Variants in SSBP2 observed in about 807,000 individuals in gnomAD.
SSBP2 encodes the protein single stranded DNA binding protein 2, also known as single-stranded DNA-binding protein 2.
In SSBP2, 17 loss-of-function variants were observed where a neutral mutation model predicts 61.8. That is an observed-to-expected ratio of 0.28 (90% CI 0.19 to 0.41). The LOEUF (loss-of-function observed/expected upper bound fraction) is 0.41, where lower values mean the gene tolerates loss of function less well. Ranked by LOEUF, SSBP2 falls within the 10% of genes least tolerant of loss-of-function variation. SSBP2 has a pLI of 1.00. For synonymous variants in SSBP2, 139 were observed against 141.3 expected (o/e 0.98, Z 0.12); for missense variants, 310 against 458.7 (o/e 0.68, Z 2.96).
chr5:81,712,940 C>T (rs1664602987), intron 1 of SSBP2, among the ~76,000 whole-genome samples: 1 of 151,678 alleles, frequency 6.6e-6, no homozygotes, highest in Non-Finnish European at 1.5e-5. Flanking sequence ...CTTGTACAGG[C>T]TGATCCTGAA....
intron 2 of SSBP2, among the ~76,000 whole-genome samples, chr5:81,649,161 A>G (rs2153706694): frequency 6.6e-6 from 1 of 152,284 alleles, no homozygotes; most frequent in East Asian, 1.9e-4. Context: ...AGCCAGTTAT[A>G]TAAACACTCT....
In SSBP2 at chr5:81,428,615, TCCC is replaced by T. The variant is rs771356145; in HGVS notation, c.1023_1025del (p.Gly342del). The T allele has an allele frequency of 6.2e-7, 1 of 1,613,230 alleles. No individual in the cohort carries two copies. The highest frequency in any genetic ancestry group is 1.1e-5 in the South Asian group (1 of 91,044). ...CACTCTGAAAAGGATTTAAGAAATT[TCCC>T]CCCATTTCGCCATCATCCCTTGGAG... On this transcript the variant is annotated inframe_deletion, in exon 16 of 17. Transcript: ENST00000320672.
intron 15 of SSBP2, among the ~76,000 whole-genome samples, chr5:81,433,465 C>G (rs1374169492): frequency 1.3e-5 from 2 of 151,896 alleles, no homozygotes; most frequent in East Asian, 3.9e-4. Flanking sequence ...GGGACACAAA[C>G]ACTCTGCCTA....
chr5:81,668,248 T>TAAAAA (rs11332987), intron 1 of SSBP2, among the ~76,000 whole-genome samples: 1 of 94,908 alleles, frequency 1.1e-5, no homozygotes, highest in Non-Finnish European at 2.0e-5. Context: ...TATGGAAGTT[T>TAAAAA]AAAAAAAAAA....
intron 2 of SSBP2, among the ~76,000 whole-genome samples, chr5:81,638,724 T>C (rs542087170): frequency 1.3e-5 from 2 of 152,272 alleles, no homozygotes; most frequent in Admixed American, 6.5e-5. Context: ...CAATTTTAAC[T>C]TACTAATCAG....
At chr5:81,531,340 T>A (rs1049787732) in intron 4 of SSBP2, among the ~76,000 whole-genome samples, 2 of 151,962 alleles carry the variant, frequency 1.3e-5, no homozygotes, top group African/African-American at 4.8e-5. Context: ...ATACTGAATT[T>A]CAGTTAAACT....
At chr5:81,537,833 A>G (rs1274162078) in intron 4 of SSBP2, among the ~76,000 whole-genome samples, 1 of 152,138 alleles carries the variant, frequency 6.6e-6, no homozygotes, top group East Asian at 1.9e-4. Context: ...CTATTCCCTG[A>G]GACACAACAA....
intron 16 of SSBP2, among the ~76,000 whole-genome samples, chr5:81,425,609 AT>A (rs896023848): frequency 6.6e-6 from 1 of 151,666 alleles, no homozygotes; most frequent in Non-Finnish European, 1.5e-5. Context: ...ATGAAAAACT[AT>A]TTTTTTTGAA....
At position 81,660,207 on chromosome 5, in the gene SSBP2, G is replaced by T. The variant is rs182636634; in HGVS notation, c.63-9868C>A. Among the ~76,000 whole-genome samples the T allele has an allele frequency of 6.8e-3, 1,042 of 152,152 alleles. 4 individuals carry two copies. Among genetic ancestry groups the T allele is most frequent in the Non-Finnish European group, 0.011 (724 of 67,992 alleles). The stretch of plus-strand genomic sequence containing the variant: ...ACTAAAGAGCATCTGCACAGCAAAA[G>T]AAACTAGCATGAGAGTGAACAGGCA... On this transcript the variant is annotated intron_variant, in intron 1 of 16. Coordinates refer to ENST00000320672, the MANE Select transcript of SSBP2 (RefSeq NM_012446.5).
At chr5:81,586,049 C>T (rs1008076828) in intron 4 of SSBP2, among the ~76,000 whole-genome samples, 15 of 152,252 alleles carry the variant, frequency 9.9e-5, no homozygotes, top group African/African-American at 2.4e-4. Context: ...CAACTACTGA[C>T]GGATACGTAG....
At chr5:81,734,743 G>A (rs6880994) in intron 1 of SSBP2, among the ~76,000 whole-genome samples, 2,494 of 152,148 alleles carry the variant, frequency 0.016, 74 homozygotes, top group African/African-American at 0.056. Flanking sequence ...AGGCCGAGGC[G>A]GGCAGATCAT....
At chr5:81,503,099 T>C (rs1767919652) in intron 5 of SSBP2, among the ~76,000 whole-genome samples, 2 of 151,930 alleles carry the variant, frequency 1.3e-5, no homozygotes, top group South Asian at 2.1e-4. Context: ...GAAATGCAAG[T>C]CAAAACCACA....
At chr5:81,645,398 T>C (rs1016316175) in intron 2 of SSBP2, among the ~76,000 whole-genome samples, 2 of 152,234 alleles carry the variant, frequency 1.3e-5, no homozygotes, top group Admixed American at 1.3e-4. Flanking sequence ...TAGATGTTTT[T>C]AAGCTTCTAT....
chr5:81,580,716 T>C (rs1774576098), intron 4 of SSBP2, among the ~76,000 whole-genome samples: 1 of 149,206 alleles, frequency 6.7e-6, no homozygotes, highest in Non-Finnish European at 1.5e-5. Context: ...GAAAACATTT[T>C]AACTGGAATA....
intron 4 of SSBP2, among the ~76,000 whole-genome samples, chr5:81,613,266 AT>A (rs10707328): frequency 0.47 from 70,613 of 151,852 alleles, 17,569 homozygotes; most frequent in East Asian, 0.81. Context: ...TCAAATACTG[AT>A]TTTTTTTCTA....
chr5:81,746,214 A>C (rs966431374), intron 1 of SSBP2, among the ~76,000 whole-genome samples: 1 of 152,082 alleles, frequency 6.6e-6, no homozygotes, highest in Non-Finnish European at 1.5e-5. Flanking sequence ...CCTTAAAAAT[A>C]GGGGTTTTTT....
intron 4 of SSBP2, among the ~76,000 whole-genome samples, chr5:81,608,152 C>A (rs1008791786): frequency 6.6e-5 from 10 of 152,074 alleles, no homozygotes; most frequent in African/African-American, 9.7e-5. Flanking sequence ...TCTCTATGTT[C>A]TTCCTCCCTA....
chr5:81,571,107 AACAT>A (rs1247649217), intron 4 of SSBP2, among the ~76,000 whole-genome samples: 1 of 152,210 alleles, frequency 6.6e-6, no homozygotes, highest in Admixed American at 6.5e-5. Flanking sequence ...TTGTGGAGCA[AACAT>A]ACAGTTTCTA....
chr5:81,639,750 C>A (rs1748605381), intron 2 of SSBP2, among the ~76,000 whole-genome samples: 1 of 151,870 alleles, frequency 6.6e-6, no homozygotes, highest in African/African-American at 2.4e-5. Flanking sequence ...AAGAAGTGAA[C>A]AACTGTAATT....
Sources: allele counts gnomAD v4.1 joint callset (sites outside exome capture counted in the v4.1 genomes callset), GRCh38; gene constraint gnomAD v4.1.1; transcripts MANE v1.5; gene names NCBI Gene and HGNC (gene_info 2026-07-23, HGNC 2026-07-21).